FRMD4B: variants seen among roughly 807,000 people sequenced by gnomAD.
FRMD4B encodes FERM domain containing 4B.
In FRMD4B, 74 loss-of-function variants were observed where a neutral mutation model predicts 141.5. That is an observed-to-expected ratio of 0.52 (90% CI 0.43 to 0.63). The LOEUF is 0.63. Ranked by LOEUF, FRMD4B falls within the 30% of genes least tolerant of loss-of-function variation. The probability of loss-of-function intolerance (pLI) is 0.00; values close to 1 mark genes in which losing one functional copy is unlikely to be tolerated. For missense variants in FRMD4B, 1,366 were observed against 1,253.4 expected (o/e 1.09, Z -1.36); for synonymous variants, 506 against 467.9 (o/e 1.08, Z -1.05).
At position 69,181,133 on chromosome 3, in the gene FRMD4B, G is replaced by A; in HGVS notation, c.2617C>T (p.Leu873Phe). ...DRVPHNPYAT[L>F]RLPRKAAAKS... ...GCAGCAGCCTTCCTTGGCAGCCGGA[G>A]AGTTGCATATGGGTTATGGGGTACC... Residue 873 changes from leucine to phenylalanine, a missense_variant, in exon 21 of 23, where the codon CTC (leucine) becomes TTC (phenylalanine). Coordinates refer to ENST00000398540, the MANE Select transcript of FRMD4B (RefSeq NM_015123.3). 6.2e-7 allele frequency: 1 copy of A among 1,613,972 alleles called. No homozygotes were observed. Among genetic ancestry groups the A allele is most frequent in the Admixed American group, 1.7e-5 (1 of 60,028 alleles).
intron 1 of FRMD4B, among the ~76,000 whole-genome samples, chr3:69,449,959 T>C (rs1705469213): frequency 1.3e-5 from 2 of 152,188 alleles, no homozygotes; most frequent in Admixed American, 6.5e-5. Flanking sequence ...ACTCCTATGC[T>C]TGACAAGCTT....
At chr3:69,435,518 T>C (rs1024840970) in intron 1 of FRMD4B, among the ~76,000 whole-genome samples, 5 of 152,352 alleles carry the variant, frequency 3.3e-5, no homozygotes, top group Middle Eastern at 3.4e-3. Context: ...CATTTATGTA[T>C]TGATTGTCTA....
At chr3:69,418,245 T>C (rs1037562899) in intron 2 of FRMD4B, among the ~76,000 whole-genome samples, 4 of 152,192 alleles carry the variant, frequency 2.6e-5, no homozygotes, top group African/African-American at 4.8e-5. Context: ...ACCAAAAATA[T>C]ACACGGTGTA....
chr3:69,191,998 C>A (rs1236468462), intron 17 of FRMD4B, among the ~76,000 whole-genome samples: 1 of 152,086 alleles, frequency 6.6e-6, no homozygotes, highest in African/African-American at 2.4e-5. Context: ...TACCTTATTT[C>A]ATCAAATCTA....
chr3:69,195,798 C>T (rs917085637), intron 14 of FRMD4B, among the ~76,000 whole-genome samples: 5 of 152,024 alleles, frequency 3.3e-5, no homozygotes, highest in Non-Finnish European at 7.4e-5. Flanking sequence ...TTAGATGGGA[C>T]GAATCATTTT....
At chr3:69,437,819 T>A (rs1213388187) in intron 1 of FRMD4B, among the ~76,000 whole-genome samples, 1 of 128,924 alleles carries the variant, frequency 7.8e-6, no homozygotes, top group Non-Finnish European at 1.5e-5. Context: ...ATATATACTA[T>A]ATATATTTAT....
At chr3:69,395,978 A>T (rs185711753) in intron 2 of FRMD4B, among the ~76,000 whole-genome samples, 18 of 152,340 alleles carry the variant, frequency 1.2e-4, no homozygotes, top group Admixed American at 6.5e-4. Flanking sequence ...ACCCTAAAAC[A>T]GTTCCATTAT....
At chr3:69,464,198 A>G (rs1286084669) in intron 1 of FRMD4B, among the ~76,000 whole-genome samples, 1 of 152,248 alleles carries the variant, frequency 6.6e-6, no homozygotes, top group Admixed American at 6.5e-5. Context: ...TTTTGCTTAT[A>G]GTAATTTAAA....
At chr3:69,437,813 A>G (rs1358799534) in intron 1 of FRMD4B, among the ~76,000 whole-genome samples, 1 of 120,532 alleles carries the variant, frequency 8.3e-6, no homozygotes, top group Non-Finnish European at 1.6e-5. Context: ...ATTTTTATAT[A>G]TACTATATAT....
chr3:69,233,432 C>G (rs1002041111), intron 7 of FRMD4B, among the ~76,000 whole-genome samples: 7 of 150,400 alleles, frequency 4.7e-5, no homozygotes, highest in Admixed American at 2.7e-4. Context: ...TGCAATGAGC[C>G]ACGATCGCCT....
At chr3:69,496,634 AGAAAGAGAGAGAG>A (rs1706398932) in intron 1 of FRMD4B, among the ~76,000 whole-genome samples, 16 of 110,144 alleles carry the variant, frequency 1.5e-4, no homozygotes, top group Admixed American at 2.8e-4. Flanking sequence ...AGAGAGAGAG[AGAAAGAGAGAGAG>A]AGAGAGAGAG....
intron 1 of FRMD4B, among the ~76,000 whole-genome samples, chr3:69,316,602 G>A (rs943483418): frequency 2.0e-5 from 3 of 151,862 alleles, no homozygotes; most frequent in African/African-American, 7.3e-5. Flanking sequence ...ACCAGAGGAG[G>A]ATATAATTAA....
intron 7 of FRMD4B, among the ~76,000 whole-genome samples, chr3:69,241,178 G>C (rs1214981125): frequency 1.3e-5 from 2 of 152,192 alleles, no homozygotes; most frequent in Non-Finnish European, 1.5e-5. Flanking sequence ...TGTTCATTTA[G>C]TTGCATCAGG....
At chr3:69,204,889 G>A (rs116135245) in intron 11 of FRMD4B, among the ~76,000 whole-genome samples, 1,939 of 152,138 alleles carry the variant, frequency 0.013, 45 homozygotes, top group African/African-American at 0.044. Flanking sequence ...AGAGAAAACT[G>A]AGGCTCAGAG....
intron 21 of FRMD4B, 94 bp downstream of exon 21, chr3:69,180,805 G>T: frequency 1.2e-6 from 1 of 825,708 alleles, no homozygotes; most frequent in Non-Finnish European, 2.0e-6. Flanking sequence ...TTGACCCTGA[G>T]TACTGGTCTC....
At chr3:69,210,087 A>T (rs1305826439) in intron 11 of FRMD4B, among the ~76,000 whole-genome samples, 1 of 150,568 alleles carries the variant, frequency 6.6e-6, no homozygotes, top group East Asian at 1.9e-4. Context: ...AGAGACAGAA[A>T]CAGAAAGCTA....
intron 2 of FRMD4B, among the ~76,000 whole-genome samples, chr3:69,393,865 A>T (rs1363380299): frequency 1.3e-5 from 2 of 152,206 alleles, no homozygotes; most frequent in African/African-American, 4.8e-5. Context: ...CATTTCATGG[A>T]TAAAGAAACT....
chr3:69,480,710 G>A (rs539638642), intron 1 of FRMD4B, among the ~76,000 whole-genome samples: 11 of 152,250 alleles, frequency 7.2e-5, no homozygotes, highest in African/African-American at 2.4e-4. Context: ...CTCCAGCTGC[G>A]TGCTGGGAGA....
intron 1 of FRMD4B, among the ~76,000 whole-genome samples, chr3:69,539,451 C>A (rs1271091824): frequency 6.6e-6 from 1 of 152,164 alleles, no homozygotes; most frequent in African/African-American, 2.4e-5. Context: ...AACCATCTGC[C>A]TGTTTGAAAA....
Sources: allele counts gnomAD v4.1 joint callset (sites outside exome capture counted in the v4.1 genomes callset), GRCh38; gene constraint gnomAD v4.1.1; transcripts MANE v1.5; gene names NCBI Gene and HGNC (gene_info 2026-07-23, HGNC 2026-07-21).